Variants in CAMTA1 observed in about 807,000 individuals in gnomAD.
CAMTA1 encodes the protein calmodulin-binding transcription activator 1.
CAMTA1 carries 27 observed loss-of-function variants against 170.9 expected under a neutral mutation model. The observed-to-expected ratio is 0.16, with a 90% CI of 0.12 to 0.22. The LOEUF (loss-of-function observed/expected upper bound fraction) is 0.22. Among genes scored for constraint, CAMTA1 ranks in the 10% least tolerant of loss-of-function variants. The pLI, the probability that CAMTA1 is intolerant of heterozygous loss-of-function variation, is 1.00. For synonymous variants in CAMTA1, 833 were observed against 891.5 expected, an observed-to-expected ratio of 0.93 and a Z score of 1.17; for missense variants, 1,619 against 2,217.2, an observed-to-expected ratio of 0.73 and a Z score of 5.42.
intron 6 of CAMTA1, among the ~76,000 whole-genome samples, chr1:7,503,013 C>T (rs1427698822): frequency 1.3e-5 from 2 of 152,148 alleles, no homozygotes; most frequent in Non-Finnish European, 2.9e-5. Context: ...ATTTGGCTCT[C>T]TACTCTCCCC....
chr1:7,319,982 C>T (rs1218132453), intron 5 of CAMTA1, among the ~76,000 whole-genome samples: 1 of 152,062 alleles, frequency 6.6e-6, no homozygotes. Context: ...ATTTATTTAC[C>T]CAGTCTAATA....
chr1:7,375,886 G>C (rs2086808837), intron 5 of CAMTA1, among the ~76,000 whole-genome samples: 1 of 152,204 alleles, frequency 6.6e-6, no homozygotes, highest in South Asian at 2.1e-4. Flanking sequence ...GACAGAAGGG[G>C]GCAGGGAGAG....
intron 11 of CAMTA1, among the ~76,000 whole-genome samples, chr1:7,721,044 CT>C (rs904978497): frequency 3.3e-5 from 5 of 152,184 alleles, no homozygotes; most frequent in African/African-American, 1.2e-4. Flanking sequence ...CTCCCAGGAG[CT>C]TAAATTAGAA....
intron 3 of CAMTA1, among the ~76,000 whole-genome samples, chr1:6,877,801 A>G (rs1407384198): frequency 2.6e-5 from 4 of 152,184 alleles, no homozygotes; most frequent in African/African-American, 4.8e-5. Flanking sequence ...CGTATTTCCA[A>G]AGGAGAAACC....
At chr1:7,215,353 C>T (rs1017319302) in intron 4 of CAMTA1, among the ~76,000 whole-genome samples, 7 of 152,070 alleles carry the variant, frequency 4.6e-5, no homozygotes, top group African/African-American at 1.7e-4. Context: ...TCAGTCCGAC[C>T]ACTGTTTTAA....
At chr1:7,384,314 C>T (rs553073903) in intron 5 of CAMTA1, among the ~76,000 whole-genome samples, 7 of 152,292 alleles carry the variant, frequency 4.6e-5, no homozygotes, top group African/African-American at 4.8e-5. Flanking sequence ...TCCAACTTTC[C>T]GGGGCAGCTG....
In CAMTA1 at chr1:7,150,968, G is replaced by C. The variant is rs114137888; in HGVS notation, c.302+59597G>C. ...TTGACTCATCAAATGATCTGCTGCA[G>C]CTGCCTGCATTTGTTTACAGGGCGA... On this transcript the variant is annotated intron_variant, in intron 4 of 22. Transcript: ENST00000303635. 2.8e-3 allele frequency among the ~76,000 whole-genome samples: 434 copies of C among 152,340 alleles called. 3 individuals carry two copies. The highest frequency in any genetic ancestry group is 9.6e-3 in the African/African-American group (398 of 41,574).
intron 3 of CAMTA1, among the ~76,000 whole-genome samples, chr1:6,924,617 G>A (rs1224065965): frequency 2.6e-5 from 4 of 152,178 alleles, no homozygotes; most frequent in African/African-American, 7.2e-5. Flanking sequence ...TGTACTTTCC[G>A]TGGTAACAGC....
intron 3 of CAMTA1, among the ~76,000 whole-genome samples, chr1:6,846,623 A>G (rs1480040935): frequency 6.6e-6 from 1 of 152,256 alleles, no homozygotes; most frequent in Non-Finnish European, 1.5e-5. Context: ...AAGGAGTCCC[A>G]AAACACAGGT....
At chr1:6,829,391 G>A (rs1025521062) in intron 3 of CAMTA1, among the ~76,000 whole-genome samples, 2 of 152,078 alleles carry the variant, frequency 1.3e-5, no homozygotes, top group Non-Finnish European at 2.9e-5. Context: ...TTCCCTTCTT[G>A]GATGTTATTT....
intron 4 of CAMTA1, among the ~76,000 whole-genome samples, chr1:7,110,990 G>A (rs6660125): frequency 0.34 from 52,118 of 152,096 alleles, 9,726 homozygotes; most frequent in African/African-American, 0.48. Flanking sequence ...GAAGGGCTGC[G>A]CTCCTTCTGG....
chr1:7,188,493 CTAT>C (rs994227929), intron 4 of CAMTA1, among the ~76,000 whole-genome samples: 49 of 152,308 alleles, frequency 3.2e-4, no homozygotes, highest in African/African-American at 1.2e-3. Context: ...ACCCTGGTAA[CTAT>C]TGTTACACTT....
intron 5 of CAMTA1, among the ~76,000 whole-genome samples, chr1:7,382,988 C>T (rs1366683051): frequency 6.6e-6 from 1 of 152,140 alleles, no homozygotes; most frequent in African/African-American, 2.4e-5. Context: ...CTAGTATGTG[C>T]CAGGCACTGT....
At chr1:7,208,230 C>T (rs560584980) in intron 4 of CAMTA1, among the ~76,000 whole-genome samples, 1 of 152,372 alleles carries the variant, frequency 6.6e-6, no homozygotes, top group East Asian at 1.9e-4. Context: ...CCCAGACAAA[C>T]TGATCCAGGC....
chr1:7,346,425 G>T (rs2084223259), intron 5 of CAMTA1, among the ~76,000 whole-genome samples: 1 of 152,126 alleles, frequency 6.6e-6, no homozygotes, highest in Non-Finnish European at 1.5e-5. Context: ...GAGGACGGGG[G>T]AACTACAGCA....
At chr1:7,419,700 A>T (rs1168583947) in intron 5 of CAMTA1, among the ~76,000 whole-genome samples, 1 of 152,152 alleles carries the variant, frequency 6.6e-6, no homozygotes, top group Non-Finnish European at 1.5e-5. Flanking sequence ...CAAACTGACC[A>T]CGGCCACATG....
chr1:7,409,032 G>A (rs541915710), intron 5 of CAMTA1, among the ~76,000 whole-genome samples: 152 of 152,296 alleles, frequency 1.0e-3, no homozygotes, highest in African/African-American at 3.3e-3. Context: ...ACACCTAGGC[G>A]CTCCTTTAAG....
chr1:7,403,264 G>A (rs1264102770), intron 5 of CAMTA1, among the ~76,000 whole-genome samples: 2 of 152,128 alleles, frequency 1.3e-5, no homozygotes, highest in African/African-American at 4.8e-5. Context: ...TGAGACAGGA[G>A]AATCGCTTGA....
intron 4 of CAMTA1, among the ~76,000 whole-genome samples, chr1:7,124,788 C>A (rs766343443): frequency 2.0e-5 from 3 of 152,210 alleles, no homozygotes; most frequent in Non-Finnish European, 2.9e-5. Context: ...AACTTGTTAG[C>A]TGAGAAGATT....
Sources: gnomAD v4.1 joint callset for allele counts (sites outside exome capture counted in the v4.1 genomes callset) on GRCh38, gnomAD v4.1.1 for gene constraint, MANE v1.5 for transcripts, NCBI Gene and HGNC (gene_info 2026-07-23, HGNC 2026-07-21) for gene names.